Variants in SOS1 observed in about 807,000 individuals in gnomAD.
The protein encoded by SOS1 is son of sevenless homolog 1.
Under a neutral mutation model 157.6 loss-of-function variants are expected in SOS1, and 25 were observed. The ratio of observed to expected loss-of-function variants is 0.16; its 90% CI spans 0.12 to 0.22. SOS1 has a LOEUF of 0.22. Among genes scored for constraint, SOS1 ranks in the 10% least tolerant of loss-of-function variants. The probability of loss-of-function intolerance (pLI) is 1.00; values close to 1 mark genes in which losing one functional copy is unlikely to be tolerated. For synonymous variants in SOS1, 528 were observed against 534.0 expected, an observed-to-expected ratio of 0.99 and a Z score of 0.16; for missense variants, 1,237 against 1,599.1, an observed-to-expected ratio of 0.77 and a Z score of 3.86.
rs190472436 is a variant in SOS1 at position 39,021,757 on chromosome 2, C to G, written c.1858+813G>C. Among the ~76,000 whole-genome samples the G allele has an allele frequency of 2.1e-3, 311 of 151,648 alleles. 1 individual carries two copies. Among genetic ancestry groups the G allele is most frequent in the South Asian group, 1.7e-3 (8 of 4,826 alleles). ...TTTGAACTTTTATAGCCTTAAAAAT[C>G]TCTTAAGCAGAAAAGAAGTATTTTG... On this transcript the variant is annotated intron_variant, in intron 10 of 22. Coordinates refer to ENST00000402219, the MANE Select transcript of SOS1 (RefSeq NM_005633.4).
chr2:39,088,695 T>G (rs1221526393), intron 1 of SOS1, among the ~76,000 whole-genome samples: 3 of 152,238 alleles, frequency 2.0e-5, no homozygotes, highest in African/African-American at 7.2e-5. Flanking sequence ...ATTACATGCA[T>G]GTATATACTA....
intron 17 of SOS1, among the ~76,000 whole-genome samples, chr2:39,005,417 A>G (rs1441254438): frequency 6.6e-6 from 1 of 152,220 alleles, no homozygotes; most frequent in Non-Finnish European, 1.5e-5. Flanking sequence ...AATGTGTCCA[A>G]TCACAGGGTA....
intron 6 of SOS1, among the ~76,000 whole-genome samples, chr2:39,041,175 C>G (rs575311868): frequency 3.9e-5 from 6 of 152,274 alleles, no homozygotes; most frequent in Admixed American, 6.5e-5. Context: ...CCTCCCACCT[C>G]AGCCCCCGAG....
chr2:38,993,062 C>CCTAT (rs1668780752), intron 20 of SOS1: 1 of 151,086 alleles, frequency 6.6e-6, no homozygotes, highest in South Asian at 2.1e-4. Context: ...ACAGCGAGAC[C>CCTAT]CTATCTCTAC....
intron 1 of SOS1, among the ~76,000 whole-genome samples, chr2:39,103,772 A>C (rs1192673944): frequency 1.3e-5 from 2 of 152,238 alleles, no homozygotes; most frequent in African/African-American, 4.8e-5. Context: ...GCACAAGACA[A>C]TGAAAGAAAA....
chr2:39,122,601 T>G (rs547310728), upstream of SOS1, among the ~76,000 whole-genome samples: 1 of 152,196 alleles, frequency 6.6e-6, no homozygotes, highest in East Asian at 1.9e-4. Context: ...TTTATTGTTT[T>G]ATTGAAAAAA....
chr2:39,108,665 G>A (rs1016057328), intron 1 of SOS1, among the ~76,000 whole-genome samples: 30 of 152,120 alleles, frequency 2.0e-4, no homozygotes, highest in Non-Finnish European at 4.1e-4. Context: ...AAGGCAGGAG[G>A]ATCACTTGAG....
intron 10 of SOS1, among the ~76,000 whole-genome samples, chr2:39,017,038 C>G (rs573726155): frequency 3.3e-5 from 5 of 152,070 alleles, no homozygotes; most frequent in African/African-American, 1.2e-4. Context: ...GGGATCACAC[C>G]AATTCTTGGT....
chr2:39,087,841 G>A (rs574710615), intron 1 of SOS1, among the ~76,000 whole-genome samples: 1 of 152,066 alleles, frequency 6.6e-6, no homozygotes, highest in South Asian at 2.1e-4. Context: ...ACCATGCCCA[G>A]CTAATTTTTA....
intron 2 of SOS1, among the ~76,000 whole-genome samples, chr2:39,064,044 G>T (rs758058117): frequency 6.6e-6 from 1 of 152,022 alleles, no homozygotes; most frequent in Non-Finnish European, 1.5e-5. Flanking sequence ...ATGTTGCCCA[G>T]GCTGGTCCTG....
intron 1 of SOS1, among the ~76,000 whole-genome samples, chr2:39,068,020 G>A (rs975184630): frequency 2.0e-5 from 3 of 152,132 alleles, no homozygotes; most frequent in African/African-American, 4.8e-5. Context: ...CCAGGAGGCC[G>A]AGGCAGGAGA....
intron 1 of SOS1, among the ~76,000 whole-genome samples, chr2:39,098,669 C>T (rs1672858450): frequency 2.0e-5 from 3 of 152,202 alleles, no homozygotes; most frequent in Admixed American, 1.3e-4. Flanking sequence ...GCAGGCAGAT[C>T]ACGAAGTTAG....
In SOS1 at chr2:39,099,330, T is replaced by C. The variant is rs531023104; in HGVS notation, c.87+21006A>G. Among the ~76,000 whole-genome samples, 5 of 152,240 alleles carry C rather than the reference T, an allele frequency of 3.3e-5. No homozygotes were observed. In the South Asian group the frequency reaches 1.0e-3, roughly 32 times the overall value. ...TGAACCTTGAAAACATTTTGCTAAGTGAAAAAAGGCAGTCATGAAAGACTA... is the reference window on the plus strand; with the variant it reads ...TGAACCTTGAAAACATTTTGCTAAGCGAAAAAAGGCAGTCATGAAAGACTA... On this transcript the variant is annotated intron_variant, in intron 1 of 22. Transcript: ENST00000402219.
At position 39,067,724 on chromosome 2, in the gene SOS1, C is replaced by T. The variant is rs1671638312; in HGVS notation, c.117G>A (p.Glu39=). 6.2e-7 allele frequency: 1 copy of T among 1,612,614 alleles called. No individual in the cohort carries two copies. The highest frequency in any genetic ancestry group is 8.5e-7 in the Non-Finnish European group (1 of 1,178,770). ...KVQGQVHPTL[E]SNDDALQYVE... Reference sequence around the variant, plus strand: ...CATACTGAAGAGCATCATCATTAGACTCGAGAGTAGGATGAACTTGCCCCT... The same window carrying T: ...CATACTGAAGAGCATCATCATTAGATTCGAGAGTAGGATGAACTTGCCCCT... Residue 39 remains glutamate (E), a synonymous_variant, in exon 2 of 23, where the codon GAG becomes GAA. Coordinates refer to ENST00000402219, the MANE Select transcript of SOS1 (RefSeq NM_005633.4).
At chr2:39,081,830 T>A (rs1008481592) in intron 1 of SOS1, among the ~76,000 whole-genome samples, 2 of 151,804 alleles carry the variant, frequency 1.3e-5, no homozygotes, top group Admixed American at 6.6e-5. Flanking sequence ...AAAAAAAGAA[T>A]GTTCATAGTT....
At position 38,983,451 on chromosome 2, in the gene SOS1, C is replaced by A. The variant is rs202071722; in HGVS notation, c.*2373G>T. 6.6e-6 allele frequency: 1 copy of A among 152,124 alleles called. No homozygotes were observed. Among genetic ancestry groups the A allele is most frequent in the East Asian group, 1.9e-4 (1 of 5,192 alleles). The allele number at this position is 152,124 out of a possible 1,614,324, so 9.4% of individuals were successfully genotyped here. A position where few individuals can be genotyped will look rare whatever the true frequency, so the allele number is the denominator to read the frequency against. On this transcript the variant is annotated 3_prime_UTR_variant, in exon 23 of 23. Coordinates refer to ENST00000402219, the MANE Select transcript of SOS1 (RefSeq NM_005633.4). ...ATCCACAATGCATGTAAAACTGTTG[C>A]ACAGTGAAGTGGTCTCCTAGAACCA...
chr2:39,037,987 C>G (rs1670417018), intron 6 of SOS1, among the ~76,000 whole-genome samples: 1 of 152,034 alleles, frequency 6.6e-6, no homozygotes. Flanking sequence ...TGGAGATATA[C>G]AAGGAGATTA....
chr2:39,062,453 AAAAG>A (rs1456518223), intron 2 of SOS1, among the ~76,000 whole-genome samples: 2 of 149,896 alleles, frequency 1.3e-5, no homozygotes, highest in African/African-American at 2.4e-5. Flanking sequence ...AAAAGAAAAG[AAAAG>A]AAAGAAAGAA....
intron 8 of SOS1, among the ~76,000 whole-genome samples, chr2:39,024,574 T>C (rs1490516010): frequency 6.6e-6 from 1 of 151,998 alleles, no homozygotes; most frequent in Non-Finnish European, 1.5e-5. Flanking sequence ...AAGATAAATA[T>C]ACAGAGAACG....
Sources: allele counts gnomAD v4.1 joint callset (sites outside exome capture counted in the v4.1 genomes callset), GRCh38; gene constraint gnomAD v4.1.1; transcripts MANE v1.5; gene names NCBI Gene and HGNC (gene_info 2026-07-23, HGNC 2026-07-21).